The following UQCRC1 variants were observed in gnomAD, a reference collection of about 807,000 sequenced individuals.
The protein encoded by UQCRC1 is ubiquinol-cytochrome c reductase core protein 1, also known as cytochrome b-c1 complex subunit 1, mitochondrial.
In UQCRC1, 34 loss-of-function variants were observed where a neutral mutation model predicts 58.0. The ratio of observed to expected loss-of-function variants is 0.59; its 90% CI spans 0.45 to 0.78. The LOEUF is 0.78. Ranked by LOEUF, UQCRC1 falls within the 30% of genes least tolerant of loss-of-function variation. The probability of loss-of-function intolerance (pLI) is 0.00; values close to 1 mark genes in which losing one functional copy is unlikely to be tolerated. For synonymous variants in UQCRC1, 276 were observed against 248.8 expected, an observed-to-expected ratio of 1.11 and a Z score of -1.03; for missense variants, 610 against 646.0, an observed-to-expected ratio of 0.94 and a Z score of 0.60.
intron 10 of UQCRC1, 36 bp from the exon 11 acceptor site, chr3:48,600,187 G>A (rs1423361008): frequency 6.2e-7 from 1 of 1,606,676 alleles, no homozygotes; most frequent in Non-Finnish European, 8.5e-7. Flanking sequence ...GGTCCACCCA[G>A]CCCAATCCTG....
chr3:48,599,136 G>C lies in UQCRC1; in HGVS notation c.1435C>G (p.Arg479Gly), dbSNP rs929204697. 6.2e-7 allele frequency: 1 copy of C among 1,612,022 alleles called. No homozygotes were observed. Among genetic ancestry groups the C allele is most frequent in the Non-Finnish European group, 8.5e-7 (1 of 1,178,934 alleles). The change falls in exon 13 of 13, where the codon CGC becomes GGC. Residue 479 changes from arginine (R) to glycine (G), a missense_variant. Physicochemically the swap from Arg to Gly is moderately radical, Grantham distance 125. Coordinates refer to ENST00000203407, the MANE Select transcript of UQCRC1 (RefSeq NM_003365.3). The part of the protein sequence containing the change: ...NRIRSGMFWL[R>G]F ...TTACATAGGCTTCCCGCCTAGAAGC[G>C]CAGCCAGAACATGCCGCTACGGATC...
chr3:48,599,944 T>G, intron 11 of UQCRC1, 119 bp downstream of exon 11: 2 of 1,294,102 alleles, frequency 1.5e-6, no homozygotes, highest in Admixed American at 3.9e-5. Flanking sequence ...AGGTGACAGC[T>G]GCCTAGGACA....
At chr3:48,604,593 T>G (rs1369699609) in intron 4 of UQCRC1, 58 bp downstream of exon 4, 6 of 1,610,100 alleles carry the variant, frequency 3.7e-6, no homozygotes, top group Admixed American at 1.7e-5. Flanking sequence ...CAGGGGCTCC[T>G]AGGTAGCTGT....
rs2046364468 is a variant in UQCRC1, at chr3:48,601,380, A to C, written c.794T>G (p.Leu265Arg). 1 of 1,614,086 alleles carries C rather than the reference A, an allele frequency of 6.2e-7. No homozygotes were observed. The highest frequency in any genetic ancestry group is 8.5e-7 in the Non-Finnish European group (1 of 1,180,048). Reference sequence around the variant, plus strand: ...ACTGCCAGTGAAGCGGCATGGAGTAAGAGTGGGCACAGCGTCCTCTGCATA... The same window carrying C: ...ACTGCCAGTGAAGCGGCATGGAGTACGAGTGGGCACAGCGTCCTCTGCATA... The part of the protein sequence containing the change: ...WTYAEDAVPT[L>R]TPCRFTGSEI... The change falls in exon 7 of 13, where the codon CTT becomes CGT. Residue 265 changes from leucine (L) to arginine (R), a missense_variant. Transcript: ENST00000203407.
chr3:48,604,383 GA>G lies in UQCRC1; in HGVS notation c.475del (p.Ser159HisfsTer9). On this transcript the variant is annotated frameshift_variant, in exon 5 of 13. Coordinates refer to ENST00000203407, the MANE Select transcript of UQCRC1 (RefSeq NM_003365.3). LOFTEE classifies it high-confidence loss of function. ...DIVQNCSLED[S>X]QIEKERDVIL... ...CACATCACGTTCCTTCTCAATCTGT[GA>G]GTCTTCCAGACTACAGTTCTGCACA... 1 of 1,614,182 alleles carries G rather than the reference GA, an allele frequency of 6.2e-7. No homozygotes were observed. Among genetic ancestry groups the G allele is most frequent in the Non-Finnish European group, 8.5e-7 (1 of 1,180,044 alleles).
rs753761633 is a variant in UQCRC1, at chr3:48,600,869, AC to A, written c.967-30del. ...CCAGGGGGATAGGTGGTCAGCACCC[AC>A]CCTCTTGTCTTCAACGCACACTGTG... On this transcript the variant is annotated intron_variant, in intron 8 of 12. Transcript: ENST00000203407. The A allele has an allele frequency of 2.5e-6, 4 of 1,613,000 alleles. No individual in the cohort carries two copies. In the African/African-American group the frequency reaches 5.3e-5, roughly 22 times the overall value.
intron 12 of UQCRC1, 100 bp from the exon 13 acceptor site, chr3:48,599,292 A>G (rs2046339589): frequency 1.5e-6 from 2 of 1,321,146 alleles, no homozygotes; most frequent in Non-Finnish European, 1.0e-6. Context: ...CCAGAGCAGC[A>G]CAAGACAGGC....
chr3:48,599,673 T>C lies in UQCRC1; in HGVS notation c.1340A>G (p.Lys447Arg). 1 of 1,613,846 alleles carries C rather than the reference T, an allele frequency of 6.2e-7. No individual in the cohort carries two copies. Among genetic ancestry groups the C allele is most frequent in the Non-Finnish European group, 8.5e-7 (1 of 1,179,946 alleles). The change falls in exon 12 of 13, where the codon AAG (lysine) becomes AGG (arginine). Residue 447 changes from lysine (K) to arginine (R), a missense_variant. By Grantham distance (26) the Lys-to-Arg change is conservative (BLOSUM62 2). Coordinates refer to ENST00000203407, the MANE Select transcript of UQCRC1 (RefSeq NM_003365.3). ...DASVVREICS[K>R]YIYDQCPAVA... The stretch of plus-strand genomic sequence containing the variant: ...TGCTGGGCACTGGTCATAGATGTAC[T>C]TGGAGCAGATCTCACGTACCACACT...
At chr3:48,602,053 C>CT (rs35090371) in intron 6 of UQCRC1, among the ~76,000 whole-genome samples, 23,973 of 140,624 alleles carry the variant, frequency 0.17, 2,107 homozygotes, top group South Asian at 0.24. Flanking sequence ...TTGCATTGGC[C>CT]TTTTTTTTTT....
At position 48,599,707 on chromosome 3, in the gene UQCRC1, C is replaced by T; in HGVS notation, c.1306G>A (p.Val436Met). ...ATCTCACGTACCACACTGGCATCCA[C>T]CTCCTGCAGGGTGAGGCAGAGGGCA... The part of the protein sequence containing the change: ...LAEWESRIAE[V>M]DASVVREICS... Residue 436 changes from valine to methionine, a missense_variant, in exon 12 of 13, where the codon GTG (valine) becomes ATG (methionine). Coordinates refer to ENST00000203407, the MANE Select transcript of UQCRC1 (RefSeq NM_003365.3). 5 of 1,613,766 alleles carry T rather than the reference C, an allele frequency of 3.1e-6. No homozygotes were observed. Among genetic ancestry groups the T allele is most frequent in the Non-Finnish European group, 4.2e-6 (5 of 1,179,986 alleles).
At chr3:48,599,364 C>T in intron 12 of UQCRC1, 172 bp from the exon 13 acceptor site, 1 of 828,484 alleles carries the variant, frequency 1.2e-6, no homozygotes, top group South Asian at 1.8e-5. Context: ...CCTTCATGTT[C>T]TGGCCCTTGA....
chr3:48,600,136 C>T lies in UQCRC1; in HGVS notation c.1229G>A (p.Cys410Tyr). 6.2e-7 allele frequency: 1 copy of T among 1,614,144 alleles called. No homozygotes were observed. The highest frequency in any genetic ancestry group is 8.5e-7 in the Non-Finnish European group (1 of 1,180,008). ...CAGGAGGCTGCGTCCGATGTCCTCA[C>T]ACACAGGAGTAGTGCCTTTAAGGGT... The part of the protein sequence containing the change: ...VSHLDGTTPV[C>Y]EDIGRSLLTY... The change falls in exon 11 of 13, where the codon TGT becomes TAT. Residue 410 changes from cysteine (C) to tyrosine (Y), a missense_variant. Coordinates refer to ENST00000203407, the MANE Select transcript of UQCRC1 (RefSeq NM_003365.3).
rs748274209 is a variant in UQCRC1 at position 48,599,151 on chromosome 3, CGCTACG to C, written c.1414_1419del (p.Arg472_Ser473del). Reference sequence around the variant, plus strand: ...GCCTAGAAGCGCAGCCAGAACATGCCGCTACGGATCCGGTTGTAGTCTGGGAGCTGC... The same window carrying C: ...GCCTAGAAGCGCAGCCAGAACATGCCGATCCGGTTGTAGTCTGGGAGCTGC... On this transcript the variant is annotated inframe_deletion, in exon 13 of 13. Coordinates refer to ENST00000203407, the MANE Select transcript of UQCRC1 (RefSeq NM_003365.3). The C allele has an allele frequency of 5.6e-6, 9 of 1,611,750 alleles. No individual in the cohort carries two copies. The South Asian group carries it at 9.9e-5, about 18-fold the overall frequency.
In UQCRC1 at chr3:48,609,598, C is replaced by T. The variant is rs1393893520; in HGVS notation, c.23G>A (p.Arg8Gln). 1 of 1,570,316 alleles carries T rather than the reference C, an allele frequency of 6.4e-7. No homozygotes were observed. Among genetic ancestry groups the T allele is most frequent in the South Asian group, 1.2e-5 (1 of 86,910 alleles). The change falls in exon 1 of 13, where the codon CGG becomes CAG. Residue 8 changes from arginine to glutamine, a missense_variant. By Grantham distance (43) the Arg-to-Gln change is conservative. Transcript: ENST00000203407. The stretch of plus-strand genomic sequence containing the variant: ...CACTTGTGCCCCGGCGGTAGCGGCC[C>T]GACAGACCACGGACGCCGCCATCTT... MAASVVC[R>Q]AATAGAQVLL...
chr3:48,609,385 C>G, intron 1 of UQCRC1, 83 bp from the exon 2 acceptor site: 3 of 1,538,434 alleles, frequency 2.0e-6, no homozygotes, highest in Non-Finnish European at 1.8e-6. Context: ...ACCCCCGAAC[C>G]CCGCCCCTAG....
In UQCRC1 at chr3:48,609,326, T is replaced by A. The variant is rs776241526; in HGVS notation, c.70-24A>T. ...GGCTGTGGAAGGGAACAGCCGCGAG[T>A]GAGGACTCGGTCAGGGGATCGCTCC... On this transcript the variant is annotated intron_variant, in intron 1 of 12. Transcript: ENST00000203407. The A allele has an allele frequency of 1.9e-6, 3 of 1,592,594 alleles. No homozygotes were observed. The African/African-American group carries it at 4.1e-5, about 22-fold the overall frequency.
At position 48,602,143 on chromosome 3, in the gene UQCRC1, C is replaced by G. The variant is rs190165875; in HGVS notation, c.707-676G>C. Among the ~76,000 whole-genome samples the G allele has an allele frequency of 2.6e-4, 39 of 152,128 alleles. 1 individual carries two copies. The highest frequency in any genetic ancestry group is 1.1e-3 in the Admixed American group (17 of 15,284). On this transcript the variant is annotated intron_variant, in intron 6 of 12. Coordinates refer to ENST00000203407, the MANE Select transcript of UQCRC1 (RefSeq NM_003365.3). ...TCAGCTAACTGCAAGCTCCACCTCC[C>G]GGGTCCACGCCATTCTCCTGCCTCA...
rs2046356572 is a variant in UQCRC1 at position 48,600,737 on chromosome 3, T to C, written c.1070A>G (p.His357Arg). 2.5e-6 allele frequency: 4 copies of C among 1,614,140 alleles called. No individual in the cohort carries two copies. Among genetic ancestry groups the C allele is most frequent in the Non-Finnish European group, 3.4e-6 (4 of 1,180,032 alleles). ...GATTTTCATTCGGTCACAGACAAAG[T>C]GTGCACCCAGCAAGCCCGTCTCTGC... ...CYAETGLLGAHFVCDRMKIDD... is the reference protein window; with the variant it reads ...CYAETGLLGARFVCDRMKIDD... The change falls in exon 9 of 13, where the codon CAC (histidine) becomes CGC (arginine). Residue 357 changes from histidine (H) to arginine (R), a missense_variant. By Grantham distance (29) the His-to-Arg change is conservative. Transcript: ENST00000203407.
In UQCRC1 at chr3:48,600,701, A is replaced by G. The variant is rs2046356119; in HGVS notation, c.1106T>C (p.Met369Thr). Reference protein sequence around the residue: ...VCDRMKIDDMMFVLQGQWMRL... With the variant: ...VCDRMKIDDMTFVLQGQWMRL... The stretch of plus-strand genomic sequence containing the variant: ...TTACCACTGCCCTTGCAGGACGAAC[A>G]TCATGTCATCGATTTTCATTCGGTC... The change falls in exon 9 of 13, where the codon ATG becomes ACG. Residue 369 changes from methionine to threonine, a missense_variant. Coordinates refer to ENST00000203407, the MANE Select transcript of UQCRC1 (RefSeq NM_003365.3). 6.2e-7 allele frequency: 1 copy of G among 1,614,164 alleles called. No individual in the cohort carries two copies. Among genetic ancestry groups the G allele is most frequent in the African/African-American group, 1.3e-5 (1 of 75,046 alleles).
Sources: allele counts gnomAD v4.1 joint callset (sites outside exome capture counted in the v4.1 genomes callset), GRCh38; gene constraint gnomAD v4.1.1; transcripts MANE v1.5; gene names NCBI Gene and HGNC (gene_info 2026-07-23, HGNC 2026-07-21).